Variants in BMPR1B observed in about 807,000 individuals in gnomAD.
BMPR1B encodes bone morphogenetic protein receptor type-1B.
Under a neutral mutation model 59.1 loss-of-function variants are expected in BMPR1B, and 12 were observed. The ratio of observed to expected loss-of-function variants is 0.20; its 90% CI spans 0.13 to 0.33. The LOEUF is 0.33. BMPR1B is among the 10% of genes least tolerant of loss of function. BMPR1B has a pLI of 1.00. For synonymous variants in BMPR1B, 237 were observed against 207.3 expected, an observed-to-expected ratio of 1.14 and a Z score of -1.23; for missense variants, 550 against 610.9, an observed-to-expected ratio of 0.90 and a Z score of 1.05.
At chr4:95,080,360 C>T (rs1054990156) in intron 3 of BMPR1B, among the ~76,000 whole-genome samples, 1 of 152,090 alleles carries the variant, frequency 6.6e-6, no homozygotes, top group Admixed American at 6.6e-5. Flanking sequence ...CCTCAACCTC[C>T]TGAGTAGCAG....
intron 2 of BMPR1B, among the ~76,000 whole-genome samples, chr4:94,885,724 C>T (rs1020104015): frequency 6.6e-6 from 1 of 151,964 alleles, no homozygotes; most frequent in Non-Finnish European, 1.5e-5. Flanking sequence ...TATATGTAAT[C>T]TAAAGAGCTC....
intron 2 of BMPR1B, among the ~76,000 whole-genome samples, chr4:94,965,514 C>G (rs1730521354): frequency 6.6e-6 from 1 of 152,096 alleles, no homozygotes; most frequent in Non-Finnish European, 1.5e-5. Context: ...TGTTTTCTGG[C>G]CTGGGTTATA....
chr4:94,945,789 C>G (rs999081746), intron 2 of BMPR1B, among the ~76,000 whole-genome samples: 20 of 152,102 alleles, frequency 1.3e-4, no homozygotes, highest in African/African-American at 3.6e-4. Context: ...AAGCAAAAAT[C>G]AAGCATTTAG....
intron 2 of BMPR1B, among the ~76,000 whole-genome samples, chr4:94,983,185 G>A (rs1429204269): frequency 6.6e-6 from 1 of 151,984 alleles, no homozygotes; most frequent in Non-Finnish European, 1.5e-5. Context: ...GAATTTCCCT[G>A]TCTAAAGCTT....
At chr4:95,113,919 A>G (rs1731811868) in intron 4 of BMPR1B, among the ~76,000 whole-genome samples, 1 of 152,174 alleles carries the variant, frequency 6.6e-6, no homozygotes, top group Non-Finnish European at 1.5e-5. Flanking sequence ...AGAGGATTAA[A>G]TGATGTAGAA....
chr4:94,909,631 T>C (rs756509319), intron 2 of BMPR1B, among the ~76,000 whole-genome samples: 2 of 152,046 alleles, frequency 1.3e-5, no homozygotes, highest in Non-Finnish European at 2.9e-5. Context: ...GATAAAACTT[T>C]CTCCTATTTC....
intron 3 of BMPR1B, among the ~76,000 whole-genome samples, chr4:95,098,016 TTA>T (rs1167139865): frequency 3.9e-5 from 6 of 152,156 alleles, no homozygotes; most frequent in African/African-American, 1.4e-4. Flanking sequence ...TAATAAATAT[TTA>T]TATGAGTCAA....
At chr4:94,899,923 C>G (rs1727740916) in intron 2 of BMPR1B, among the ~76,000 whole-genome samples, 1 of 151,956 alleles carries the variant, frequency 6.6e-6, no homozygotes, top group Admixed American at 6.6e-5. Context: ...ATATTTCTGA[C>G]AATCTATACC....
chr4:94,906,127 A>G (rs1728030042), intron 2 of BMPR1B, among the ~76,000 whole-genome samples: 1 of 151,948 alleles, frequency 6.6e-6, no homozygotes, highest in African/African-American at 2.4e-5. Context: ...AATTCACATT[A>G]TCTCCAATGA....
At chr4:95,070,307 G>A (rs892768850) in intron 3 of BMPR1B, among the ~76,000 whole-genome samples, 1 of 152,124 alleles carries the variant, frequency 6.6e-6, no homozygotes, top group South Asian at 2.1e-4. Context: ...GAAAAATATG[G>A]AAGATTAAAA....
intron 4 of BMPR1B, among the ~76,000 whole-genome samples, chr4:95,111,777 G>C (rs1304514988): frequency 6.6e-6 from 1 of 151,956 alleles, no homozygotes; most frequent in African/African-American, 2.4e-5. Context: ...CTTTGCTTTT[G>C]GAATATTTGG....
chr4:95,020,757 G>A (rs1046262401), intron 3 of BMPR1B, among the ~76,000 whole-genome samples: 14 of 152,118 alleles, frequency 9.2e-5, no homozygotes, highest in Admixed American at 2.6e-4. Flanking sequence ...ACAGTGGCAC[G>A]ATCGTTACTC....
intron 3 of BMPR1B, among the ~76,000 whole-genome samples, chr4:95,041,732 G>C (rs1725666470): frequency 6.6e-6 from 1 of 151,878 alleles, no homozygotes; most frequent in Non-Finnish European, 1.5e-5. Context: ...TTTATCTTAG[G>C]CATACACAGT....
intron 2 of BMPR1B, among the ~76,000 whole-genome samples, chr4:94,913,508 T>C (rs770359359): frequency 1.3e-5 from 2 of 152,204 alleles, no homozygotes; most frequent in Non-Finnish European, 2.9e-5. Context: ...TTGATTTAAA[T>C]ATCTAAACTT....
intron 3 of BMPR1B, among the ~76,000 whole-genome samples, chr4:95,067,440 C>G (rs1727908912): frequency 6.6e-6 from 1 of 152,120 alleles, no homozygotes; most frequent in Non-Finnish European, 1.5e-5. Flanking sequence ...TTTAGAAAAC[C>G]TAGTCGGCCA....
chr4:94,961,565 T>C (rs1303273879), intron 2 of BMPR1B, among the ~76,000 whole-genome samples: 1 of 152,228 alleles, frequency 6.6e-6, no homozygotes, highest in Non-Finnish European at 1.5e-5. Context: ...CTTAAATCAT[T>C]TGAAATTCCA....
intron 3 of BMPR1B, among the ~76,000 whole-genome samples, chr4:95,082,845 T>C (rs1236435547): frequency 6.6e-6 from 1 of 151,862 alleles, no homozygotes; most frequent in Non-Finnish European, 1.5e-5. Context: ...GAGACCATCC[T>C]GGCTAACACG....
At chr4:95,092,131 A>G (rs898201364) in intron 3 of BMPR1B, among the ~76,000 whole-genome samples, 1 of 152,152 alleles carries the variant, frequency 6.6e-6, no homozygotes, top group African/African-American at 2.4e-5. Context: ...ATGCAAAATG[A>G]TTCTTTAAAG....
intron 2 of BMPR1B, among the ~76,000 whole-genome samples, chr4:94,969,942 T>A (rs1485182992): frequency 6.6e-6 from 1 of 152,228 alleles, no homozygotes; most frequent in African/African-American, 2.4e-5. Flanking sequence ...TATGTTTCCT[T>A]ACATGTAAAA....
Sources: gnomAD v4.1 joint callset for allele counts (sites outside exome capture counted in the v4.1 genomes callset) on GRCh38, gnomAD v4.1.1 for gene constraint, MANE v1.5 for transcripts, NCBI Gene and HGNC (gene_info 2026-07-23, HGNC 2026-07-21) for gene names.